The following TNFSF4 variants were observed in gnomAD, a reference collection of about 807,000 sequenced individuals.
The protein encoded by TNFSF4 is tumor necrosis factor ligand superfamily member 4.
TNFSF4 carries 4 observed loss-of-function variants against 7.3 expected under a neutral mutation model. The ratio of observed to expected loss-of-function variants is 0.55; its 90% CI spans 0.27 to 1.25. The LOEUF (loss-of-function observed/expected upper bound fraction) is 1.25. Ranked by LOEUF, TNFSF4 falls within the 50% of genes most tolerant of loss-of-function variation. The probability of loss-of-function intolerance (pLI) is 0.12; values close to 1 mark genes in which losing one functional copy is unlikely to be tolerated. For missense variants in TNFSF4, 181 were observed against 208.8 expected (o/e 0.87, Z 0.82); for synonymous variants, 76 against 83.7 (o/e 0.91, Z 0.50).
the TNFSF4 span, among the ~76,000 whole-genome samples, chr1:173,432,654 G>A: frequency 2.4e-3 from 369 of 151,468 alleles, 4 homozygotes; most frequent in African/African-American, 8.7e-3. Context: ...AACCCAAGCA[G>A]ACTAATAAAC....
At chr1:173,249,795 T>C in the TNFSF4 span, among the ~76,000 whole-genome samples, 2 of 152,224 alleles carry the variant, frequency 1.3e-5, no homozygotes, top group Non-Finnish European at 2.9e-5. Context: ...ATAATAATAG[T>C]ACCTGCTTCA....
the TNFSF4 span, among the ~76,000 whole-genome samples, chr1:173,328,353 G>A: frequency 2.6e-3 from 329 of 124,748 alleles, no homozygotes; most frequent in African/African-American, 9.3e-3. Flanking sequence ...GGGGACTGTT[G>A]TGGGGTCGGG....
chr1:173,445,594 G>C, the TNFSF4 span, among the ~76,000 whole-genome samples: 1 of 152,132 alleles, frequency 6.6e-6, no homozygotes, highest in East Asian at 1.9e-4. Flanking sequence ...GAGAGTACTG[G>C]AGTAAGTCAG....
chr1:173,279,500 T>C, the TNFSF4 span, among the ~76,000 whole-genome samples: 5 of 152,056 alleles, frequency 3.3e-5, no homozygotes. Flanking sequence ...GCTTCACATA[T>C]CCAACTGCCT....
At chr1:173,327,874 G>A in the TNFSF4 span, among the ~76,000 whole-genome samples, 2 of 151,994 alleles carry the variant, frequency 1.3e-5, no homozygotes, top group Non-Finnish European at 2.9e-5. Flanking sequence ...GAGAGGATGT[G>A]GAGAAATAGG....
At chr1:173,228,750 T>C in the TNFSF4 span, among the ~76,000 whole-genome samples, 1 of 152,116 alleles carries the variant, frequency 6.6e-6, no homozygotes, top group South Asian at 2.1e-4. Flanking sequence ...CTGATGGAGC[T>C]AAAAACCATG....
chr1:173,332,029 C>A, the TNFSF4 span, among the ~76,000 whole-genome samples: 1 of 152,080 alleles, frequency 6.6e-6, no homozygotes, highest in Admixed American at 6.6e-5. Flanking sequence ...AGGACAGCTT[C>A]TTACAACAAA....
chr1:173,438,589 T>C, the TNFSF4 span, among the ~76,000 whole-genome samples: 1 of 152,236 alleles, frequency 6.6e-6, no homozygotes, highest in Non-Finnish European at 1.5e-5. Context: ...CTCTTAATTT[T>C]ATTATATTTT....
At chr1:173,415,075 GGCT>G in the TNFSF4 span, among the ~76,000 whole-genome samples, 1 of 152,176 alleles carries the variant, frequency 6.6e-6, no homozygotes, top group Non-Finnish European at 1.5e-5. Context: ...CGTGCTGATT[GGCT>G]GTAAATCCCC....
At chr1:173,357,108 A>G in the TNFSF4 span, among the ~76,000 whole-genome samples, 1 of 152,224 alleles carries the variant, frequency 6.6e-6, no homozygotes, top group African/African-American at 2.4e-5. Context: ...GGGGAAGAAA[A>G]TATATAGAAA....
the TNFSF4 span, among the ~76,000 whole-genome samples, chr1:173,420,486 A>G: frequency 6.6e-5 from 10 of 152,128 alleles, no homozygotes; most frequent in Non-Finnish European, 1.3e-4. Flanking sequence ...TTTCCTTTCC[A>G]GCCTCACTTA....
At chr1:173,343,199 G>GA in the TNFSF4 span, among the ~76,000 whole-genome samples, 59 of 152,238 alleles carry the variant, frequency 3.9e-4, no homozygotes, top group African/African-American at 1.4e-3. Context: ...GGGAGTAAAT[G>GA]AAATAAATAA....
chr1:173,287,334 C>T, the TNFSF4 span, among the ~76,000 whole-genome samples: 33 of 152,036 alleles, frequency 2.2e-4, no homozygotes, highest in Admixed American at 5.2e-4. Flanking sequence ...GACCCTGACT[C>T]AAAAATAAAA....
At chr1:173,380,375 G>C in the TNFSF4 span, among the ~76,000 whole-genome samples, 1 of 151,964 alleles carries the variant, frequency 6.6e-6, no homozygotes, top group African/African-American at 2.4e-5. Context: ...CAATTCGGAA[G>C]GGCAAAAAAT....
rs1274287042 is a variant in TNFSF4 at position 173,185,413 on chromosome 1, C to T, written c.*1103G>A. 1 of 152,102 alleles carries T rather than the reference C, an allele frequency of 6.6e-6. No homozygotes were observed. The highest frequency in any genetic ancestry group is 1.5e-5 in the Non-Finnish European group (1 of 68,002). 9.4% of individuals were successfully genotyped at this position (152,102 alleles called of 1,614,324 possible). ...TATAGACCCTTCTAGTTTCAATTAT[C>T]AATGTGAGACTATATATGGTCTATG... On this transcript the variant is annotated 3_prime_UTR_variant, in exon 3 of 3. Transcript: ENST00000281834.
At chr1:173,330,178 T>C in the TNFSF4 span, among the ~76,000 whole-genome samples, 1 of 152,176 alleles carries the variant, frequency 6.6e-6, no homozygotes, top group African/African-American at 2.4e-5. Flanking sequence ...TGTTCATAAC[T>C]GTTCAAAAGC....
At chr1:173,390,737 C>CTTTTTTT in the TNFSF4 span, among the ~76,000 whole-genome samples, 25 of 131,546 alleles carry the variant, frequency 1.9e-4, no homozygotes, top group Non-Finnish European at 2.3e-4. Flanking sequence ...CATTCTGCTT[C>CTTTTTTT]TTTTTTTTTT....
chr1:173,182,677 A>G (rs1649075837), downstream of TNFSF4, among the ~76,000 whole-genome samples: 1 of 152,232 alleles, frequency 6.6e-6, no homozygotes, highest in Non-Finnish European at 1.5e-5. Context: ...AACACAAGTG[A>G]TTACAACAAA....
chr1:173,274,605 A>G, the TNFSF4 span, among the ~76,000 whole-genome samples: 16 of 152,220 alleles, frequency 1.1e-4, no homozygotes, highest in Admixed American at 2.6e-4. Flanking sequence ...CTATAGGGAC[A>G]TTATCCAGGT....
Sources: allele counts gnomAD v4.1 joint callset (sites outside exome capture counted in the v4.1 genomes callset), GRCh38; gene constraint gnomAD v4.1.1; transcripts MANE v1.5; gene names NCBI Gene and HGNC (gene_info 2026-07-23, HGNC 2026-07-21).